KIF13B: variants seen among roughly 807,000 people sequenced by gnomAD.
KIF13B encodes kinesin-like protein KIF13B.
Under a neutral mutation model 222.0 loss-of-function variants are expected in KIF13B, and 127 were observed. The observed-to-expected ratio is 0.57, with a 90% CI of 0.50 to 0.66. The LOEUF (loss-of-function observed/expected upper bound fraction) is 0.66. Ranked by LOEUF, KIF13B falls within the 30% of genes least tolerant of loss-of-function variation. The probability of loss-of-function intolerance (pLI) is 0.00; values close to 1 mark genes in which losing one functional copy is unlikely to be tolerated. For synonymous variants in KIF13B, 976 were observed against 919.0 expected (o/e 1.06, Z -1.12); for missense variants, 2,173 against 2,379.0 (o/e 0.91, Z 1.80).
intron 31 of KIF13B, 57 bp downstream of exon 31, chr8:29,116,774 G>A (rs1405478752): frequency 1.4e-5 from 21 of 1,501,932 alleles, no homozygotes; most frequent in African/African-American, 4.2e-5. Flanking sequence ...AGCACTGCAC[G>A]GCCCTACCCT....
rs895994421 is a variant in KIF13B at position 29,071,253 on chromosome 8, G to A, written c.5218+367C>T. Reference sequence around the variant, plus strand: ...GAGGCCAGCGAGATGTGTCCGGATGGGGTGAGGAAGAGCCTCCTGGAACGG... The same window carrying A: ...GAGGCCAGCGAGATGTGTCCGGATGAGGTGAGGAAGAGCCTCCTGGAACGG... On this transcript the variant is annotated intron_variant, in intron 39 of 39. Transcript: ENST00000524189. This position sits in a 1 kb window ranked among gnomAD's most constrained non-coding sequence, Gnocchi z 4.9. Among the ~76,000 whole-genome samples, 4 of 152,162 alleles carry A rather than the reference G, an allele frequency of 2.6e-5. No homozygotes were observed. The highest frequency in any genetic ancestry group is 5.9e-5 in the Non-Finnish European group (4 of 68,014).
At chr8:29,195,004 T>C (rs968730491) in intron 3 of KIF13B, among the ~76,000 whole-genome samples, 2 of 152,250 alleles carry the variant, frequency 1.3e-5, no homozygotes, top group East Asian at 1.9e-4. Context: ...TCCCAGCACT[T>C]TGGGAGGCCG....
At chr8:29,102,815 C>G (rs1808856813) in intron 35 of KIF13B, among the ~76,000 whole-genome samples, 1 of 152,234 alleles carries the variant, frequency 6.6e-6, no homozygotes, top group South Asian at 2.1e-4. Context: ...AAATTCAATT[C>G]TGCTAACTGG....
chr8:29,120,329 C>A (rs1468998225), intron 29 of KIF13B, among the ~76,000 whole-genome samples: 3 of 102,816 alleles, frequency 2.9e-5, no homozygotes, highest in African/African-American at 1.1e-4. Flanking sequence ...TCCCTCCCCC[C>A]TCCCCCGACC....
intron 2 of KIF13B, among the ~76,000 whole-genome samples, chr8:29,216,557 C>T (rs1223702130): frequency 6.6e-6 from 1 of 151,890 alleles, no homozygotes; most frequent in Non-Finnish European, 1.5e-5. Context: ...CGAGATCCTG[C>T]CACTGTACTC....
intron 19 of KIF13B, among the ~76,000 whole-genome samples, chr8:29,140,949 G>C (rs925632527): frequency 1.3e-5 from 2 of 152,134 alleles, no homozygotes; most frequent in African/African-American, 4.8e-5. Context: ...ACCAGAAAAA[G>C]AAGTAGAGTG....
chr8:29,215,607 G>GT (rs1160705313), intron 2 of KIF13B, among the ~76,000 whole-genome samples: 6 of 152,144 alleles, frequency 3.9e-5, no homozygotes, highest in Non-Finnish European at 7.4e-5. Flanking sequence ...CAGGAGGATT[G>GT]TATGAACCTA....
Position 29,071,921 on chromosome 8 carries a change from G to C in KIF13B, c.4917C>G (p.Ala1639=). Residue 1639 remains alanine, a synonymous_variant, in exon 39 of 40, where the codon GCC becomes GCG. Transcript: ENST00000524189. The surrounding 1 kb of genome is among the most constrained non-coding windows in gnomAD (Gnocchi z 4.9). ...SPGRERPDLE[A]PAPGSPFRVR... ...CGCGGAACGGGGAGCCGGGCGCCGGGGCCTCGAGGTCGGGGCGCTCCCGAC... is the reference window on the plus strand; with the variant it reads ...CGCGGAACGGGGAGCCGGGCGCCGGCGCCTCGAGGTCGGGGCGCTCCCGAC... 7.0e-7 allele frequency: 1 copy of C among 1,437,904 alleles called. No homozygotes were observed. Among genetic ancestry groups the C allele is most frequent in the Non-Finnish European group, 9.0e-7 (1 of 1,107,828 alleles). The allele number at this position is 1,437,904 out of a possible 1,614,324, so 89.1% of individuals were successfully genotyped here.
chr8:29,243,583 G>A (rs1279822183), intron 2 of KIF13B, among the ~76,000 whole-genome samples: 1 of 151,762 alleles, frequency 6.6e-6, no homozygotes, highest in African/African-American at 2.4e-5. Flanking sequence ...TTGAGCCCAG[G>A]AAGCGGAGGC....
chr8:29,190,906 T>TG (rs35695727), intron 4 of KIF13B, 91 bp downstream of exon 4: 2 of 933,144 alleles, frequency 2.1e-6, no homozygotes, highest in South Asian at 1.3e-5. Flanking sequence ...ACACACAGTT[T>TG]GGGGGGTTTG....
At chr8:29,149,197 C>T (rs1437249007) in intron 15 of KIF13B, among the ~76,000 whole-genome samples, 2 of 152,184 alleles carry the variant, frequency 1.3e-5, no homozygotes, top group Non-Finnish European at 2.9e-5. Flanking sequence ...GTATAGCACA[C>T]TAGAGCTAAA....
chr8:29,257,221 T>G (rs930214320), intron 1 of KIF13B, among the ~76,000 whole-genome samples: 2 of 152,200 alleles, frequency 1.3e-5, no homozygotes, highest in African/African-American at 4.8e-5. Flanking sequence ...AAAGATATCT[T>G]TATCTCCTCA....
Position 29,092,799 on chromosome 8 carries a change from G to C in KIF13B, c.4404C>G (p.Leu1468=). The C allele has an allele frequency of 6.2e-7, 1 of 1,613,534 alleles. No homozygotes were observed. Among genetic ancestry groups the C allele is most frequent in the Non-Finnish European group, 8.5e-7 (1 of 1,179,732 alleles). Residue 1468 remains leucine, a synonymous_variant, in exon 37 of 40, where the codon CTC becomes CTG. Transcript: ENST00000524189. ...CCCTCTTCTCATCGCGGACGGGAAA[G>C]AGAGACTTGAGGAGCTTTGGCATTT... ...VPQMPKLLKS[L]FPVRDEKRGK... is the part of the protein sequence containing the mutation.
intron 2 of KIF13B, among the ~76,000 whole-genome samples, chr8:29,213,913 C>T (rs1814354381): frequency 6.6e-6 from 1 of 151,970 alleles, no homozygotes; most frequent in African/African-American, 2.4e-5. Context: ...GAGATTGAGC[C>T]ACAGCACTCC....
intron 17 of KIF13B, 55 bp downstream of exon 17, chr8:29,147,337 G>T: frequency 1.5e-6 from 2 of 1,299,228 alleles, no homozygotes; most frequent in Non-Finnish European, 2.2e-6. Context: ...CCCTAGGTGT[G>T]TTAGAGGTGG....
chr8:29,129,447 T>G (rs1367345648), intron 24 of KIF13B, among the ~76,000 whole-genome samples: 2 of 152,228 alleles, frequency 1.3e-5, no homozygotes, highest in Non-Finnish European at 2.9e-5. Flanking sequence ...AGAGAACAAG[T>G]GTTTATCATC....
chr8:29,240,556 A>G (rs552373549), intron 2 of KIF13B, among the ~76,000 whole-genome samples: 1 of 152,336 alleles, frequency 6.6e-6, no homozygotes, highest in African/African-American at 2.4e-5. Flanking sequence ...AACTTTTTGT[A>G]TATTATGTTT....
intron 6 of KIF13B, among the ~76,000 whole-genome samples, chr8:29,182,952 T>G (rs1298813848): frequency 6.6e-6 from 1 of 152,072 alleles, no homozygotes; most frequent in African/African-American, 2.4e-5. Flanking sequence ...CATTCCATAG[T>G]ATATACATGA....
At position 29,245,334 on chromosome 8, in the gene KIF13B, T is replaced by G; in HGVS notation, c.149+12A>C. The G allele has an allele frequency of 1.3e-6, 2 of 1,566,308 alleles. No homozygotes were observed. Among genetic ancestry groups the G allele is most frequent in the Non-Finnish European group, 1.7e-6 (2 of 1,146,682 alleles). ...AAACATCCATTGAGCACAGCACTGT[T>G]TCTTAACTCACCGGGCATCTCCTTT... On this transcript the variant is annotated intron_variant, in intron 2 of 39. Coordinates refer to ENST00000524189, the MANE Select transcript of KIF13B (RefSeq NM_015254.4).
Sources: gnomAD v4.1 joint callset for allele counts (sites outside exome capture counted in the v4.1 genomes callset) on GRCh38, gnomAD v4.1.1 for gene constraint, Gnocchi (gnomAD v3.1) non-coding constraint, MANE v1.5 for transcripts, NCBI Gene and HGNC (gene_info 2026-07-23, HGNC 2026-07-21) for gene names.